The following ACTR6 variants were observed in gnomAD, a reference collection of about 807,000 sequenced individuals.
ACTR6 encodes the protein actin-related protein 6.
Under a neutral mutation model 52.5 loss-of-function variants are expected in ACTR6, and 50 were observed. That is an observed-to-expected ratio of 0.95 (90% CI 0.76 to 1.20). The LOEUF (loss-of-function observed/expected upper bound fraction) is 1.20, where lower values mean the gene tolerates loss of function less well. ACTR6 is among the 50% of genes most tolerant of loss of function. The probability of loss-of-function intolerance (pLI) is 0.00; values close to 1 mark genes in which losing one functional copy is unlikely to be tolerated. For missense variants in ACTR6, 344 were observed against 472.4 expected (o/e 0.73, Z 2.52); for synonymous variants, 135 against 147.2 (o/e 0.92, Z 0.60).
chr12:100,222,401 C>T (rs1047196335), intron 10 of ACTR6, among the ~76,000 whole-genome samples: 3 of 150,178 alleles, frequency 2.0e-5, no homozygotes, highest in African/African-American at 7.4e-5. Context: ...GGACTGCATG[C>T]ATGAGCCACC....
chr12:100,210,217 T>C lies in ACTR6; in HGVS notation c.515+9T>C, dbSNP rs749264612. 3.7e-6 allele frequency: 6 copies of C among 1,602,280 alleles called. No individual in the cohort carries two copies. The highest frequency in any genetic ancestry group is 5.1e-6 in the Non-Finnish European group (6 of 1,172,484). On this transcript the variant is annotated intron_variant, in intron 5 of 10. Coordinates refer to ENST00000188312, the MANE Select transcript of ACTR6 (RefSeq NM_022496.5). ...AAAGAAGCAATTATTCGGTGAGTTG[T>C]ATTTAATTTTCATGTTGTTTCTAAA...
intron 10 of ACTR6, among the ~76,000 whole-genome samples, chr12:100,220,570 A>G (rs936144295): frequency 6.6e-6 from 1 of 152,196 alleles, no homozygotes; most frequent in Non-Finnish European, 1.5e-5. Flanking sequence ...TTGTTTTAGA[A>G]TTTTTTAAAT....
rs1486059544 is a variant in ACTR6 at position 100,200,821 on chromosome 12, C to T, written c.-31C>T. ...GAGCAGAGGGGTCGGAAAGGGAAAA[C>T]AACTACGGCTGCGGTGTGGTTGGTG... is the stretch of plus-strand genomic sequence containing the variant. On this transcript the variant is annotated 5_prime_UTR_variant, in exon 1 of 11. Transcript: ENST00000188312. The T allele has an allele frequency of 3.7e-6, 6 of 1,612,940 alleles. No homozygotes were observed. The highest frequency in any genetic ancestry group is 1.7e-6 in the Non-Finnish European group (2 of 1,178,936).
chr12:100,205,190 TG>T, intron 2 of ACTR6, 133 bp downstream of exon 2: 1 of 563,760 alleles, frequency 1.8e-6, no homozygotes, highest in Non-Finnish European at 3.0e-6. Flanking sequence ...AAAATTTAAT[TG>T]TTTGGGTAAA....
intron 1 of ACTR6, chr12:100,204,283 C>T (rs1487892601): frequency 6.6e-6 from 1 of 152,282 alleles, no homozygotes; most frequent in Admixed American, 6.5e-5. Flanking sequence ...ATCCTCCTGC[C>T]TCAGCCTTCC....
At chr12:100,211,794 T>C (rs2096120095) in intron 6 of ACTR6, among the ~76,000 whole-genome samples, 1 of 152,088 alleles carries the variant, frequency 6.6e-6, no homozygotes, top group African/African-American at 2.4e-5. Flanking sequence ...AGTTTTTGTT[T>C]ATTTTTAAAC....
intron 2 of ACTR6, 141 bp downstream of exon 2, chr12:100,205,198 T>TC: frequency 2.2e-6 from 1 of 449,320 alleles, no homozygotes; most frequent in East Asian, 4.1e-5. Flanking sequence ...ATTGTTTGGG[T>TC]AAAAATAAAC....
chr12:100,224,058 A>G lies in ACTR6; in HGVS notation c.*143A>G. 1.1e-6 allele frequency: 1 copy of G among 888,710 alleles called. No individual in the cohort carries two copies. The highest frequency in any genetic ancestry group is 1.6e-6 in the Non-Finnish European group (1 of 619,868). The allele number at this position is 888,710 out of a possible 1,614,324, so 55.1% of individuals were successfully genotyped here. On this transcript the variant is annotated 3_prime_UTR_variant, in exon 11 of 11. Coordinates refer to ENST00000188312, the MANE Select transcript of ACTR6 (RefSeq NM_022496.5). ...ACTTTGATCGATTGCTAATTTTCAA[A>G]GGCTTCTTAGGTAGGTTACTACAGT... is the stretch of plus-strand genomic sequence containing the variant.
At chr12:100,222,357 G>T (rs187863521) in intron 10 of ACTR6, among the ~76,000 whole-genome samples, 59 of 148,194 alleles carry the variant, frequency 4.0e-4, no homozygotes, top group Non-Finnish European at 7.0e-4. Context: ...TCTGGACTCA[G>T]GTGATCCTTT....
chr12:100,203,142 C>A (rs1467169080), intron 1 of ACTR6, among the ~76,000 whole-genome samples: 3 of 152,120 alleles, frequency 2.0e-5, no homozygotes, highest in Non-Finnish European at 4.4e-5. Flanking sequence ...GGTGTTAATG[C>A]TTACGGCCCC....
intron 6 of ACTR6, among the ~76,000 whole-genome samples, chr12:100,211,363 C>T (rs889324147): frequency 6.6e-6 from 1 of 152,190 alleles, no homozygotes; most frequent in Non-Finnish European, 1.5e-5. Flanking sequence ...TCCTCAACTC[C>T]TTGGCTCAAG....
intron 4 of ACTR6, among the ~76,000 whole-genome samples, chr12:100,209,114 TATC>T (rs1245346563): frequency 2.0e-5 from 3 of 152,226 alleles, no homozygotes; most frequent in African/African-American, 7.2e-5. Flanking sequence ...AATCTGTAAA[TATC>T]ATCTAGAAGC....
Position 100,218,495 on chromosome 12 carries a change from TC to T in ACTR6, c.833del (p.Pro278ArgfsTer10), listed in dbSNP as rs765656801. 1 of 1,607,402 alleles carries T rather than the reference TC, an allele frequency of 6.2e-7. No homozygotes were observed. Among genetic ancestry groups the T allele is most frequent in the South Asian group, 1.1e-5 (1 of 90,370 alleles). On this transcript the variant is annotated frameshift_variant, in exon 9 of 11. Coordinates refer to ENST00000188312, the MANE Select transcript of ACTR6 (RefSeq NM_022496.5). LOFTEE classifies it high-confidence loss of function. The surrounding 1 kb of genome is among the most constrained non-coding windows in gnomAD (Gnocchi z 4.2). Reference sequence around the variant, plus strand: ...GTTTGGCCAATGAGAGATTTGCTGTTCCGGAAATACTCTTTAATCCTTCTGA... The same window carrying T: ...GTTTGGCCAATGAGAGATTTGCTGTTCGGAAATACTCTTTAATCCTTCTGA... The part of the protein sequence containing the change: ...LRLANERFAV[P>X]EILFNPSDIG...
At chr12:100,216,689 C>T (rs1172994728) in intron 8 of ACTR6, among the ~76,000 whole-genome samples, 1 of 152,088 alleles carries the variant, frequency 6.6e-6, no homozygotes, top group Non-Finnish European at 1.5e-5. Context: ...GAGTTATATC[C>T]CTTAAACTCA....
rs1299831350 is a variant in ACTR6 at position 100,224,277 on chromosome 12, G to A, written c.*362G>A. The A allele has an allele frequency of 1.2e-5, 2 of 161,676 alleles. No individual in the cohort carries two copies. The highest frequency in any genetic ancestry group is 2.7e-5 in the Non-Finnish European group (2 of 75,084). The allele number at this position is 161,676 out of a possible 1,614,324, so 10.0% of individuals were successfully genotyped here. A position where few individuals can be genotyped will look rare whatever the true frequency, so the allele number is the denominator to read the frequency against. Reference sequence around the variant, plus strand: ...TTAGAAGGTAGTTTTGTGTGACTGTGACTAAACTATTTTATTTTAAAATGT... The same window carrying A: ...TTAGAAGGTAGTTTTGTGTGACTGTAACTAAACTATTTTATTTTAAAATGT... On this transcript the variant is annotated 3_prime_UTR_variant, in exon 11 of 11. Coordinates refer to ENST00000188312, the MANE Select transcript of ACTR6 (RefSeq NM_022496.5).
At chr12:100,220,199 G>T in intron 10 of ACTR6, 53 bp downstream of exon 10, 1 of 1,554,944 alleles carries the variant, frequency 6.4e-7, no homozygotes, top group Non-Finnish European at 8.8e-7. Flanking sequence ...TGTAGAAAAG[G>T]TGGTCTGTTG....
rs148568799 is a variant in ACTR6, at chr12:100,220,906, G to C, written c.1061+760G>C. On this transcript the variant is annotated intron_variant, in intron 10 of 10. Coordinates refer to ENST00000188312, the MANE Select transcript of ACTR6 (RefSeq NM_022496.5). Reference sequence around the variant, plus strand: ...GGAGGCTGAGGTAGGAGGATCATTTGAGCCCAGGAGGTGGAGGTTGGTGTG... The same window carrying C: ...GGAGGCTGAGGTAGGAGGATCATTTCAGCCCAGGAGGTGGAGGTTGGTGTG... 6.7e-3 allele frequency among the ~76,000 whole-genome samples: 1,025 copies of C among 151,976 alleles called. 8 individuals are homozygous for C. Among genetic ancestry groups the C allele is most frequent in the African/African-American group, 0.023 (967 of 41,448 alleles).
intron 8 of ACTR6, among the ~76,000 whole-genome samples, chr12:100,215,373 G>A (rs531086034): frequency 2.7e-4 from 41 of 152,248 alleles, no homozygotes; most frequent in South Asian, 1.7e-3. Context: ...ATCATAAGCC[G>A]TGTTTTCTCA....
At position 100,212,483 on chromosome 12, in the gene ACTR6, CTA is replaced by C; in HGVS notation, c.707_708del (p.Tyr236CysfsTer4). 2 of 1,613,782 alleles carry C rather than the reference CTA, an allele frequency of 1.2e-6. No homozygotes were observed. Among genetic ancestry groups the C allele is most frequent in the Non-Finnish European group, 1.7e-6 (2 of 1,179,778 alleles). The part of the protein sequence containing the change: ...KGEENTVMID[Y>X]VLPDFSTIKK... ...GAGAAGAAAATACAGTAATGATAGA[CTA>C]TGTCTTGCCTGACTTCAGTACAATT... On this transcript the variant is annotated frameshift_variant, in exon 8 of 11. Transcript: ENST00000188312. LOFTEE classifies it high-confidence loss of function.
Sources: gnomAD v4.1 joint callset for allele counts (sites outside exome capture counted in the v4.1 genomes callset) on GRCh38, gnomAD v4.1.1 for gene constraint, Gnocchi (gnomAD v3.1) non-coding constraint, MANE v1.5 for transcripts, NCBI Gene and HGNC (gene_info 2026-07-23, HGNC 2026-07-21) for gene names.